The following B3GALT1 variants were observed in gnomAD, a reference collection of about 807,000 sequenced individuals.
B3GALT1 encodes UDP-Gal:betaGlcNAc beta 1,3-galactosyltransferase, polypeptide 1.
In B3GALT1, 10 loss-of-function variants were observed where a neutral mutation model predicts 23.2. The ratio of observed to expected loss-of-function variants is 0.43; its 90% CI spans 0.27 to 0.73. The LOEUF is 0.73. B3GALT1 is among the 30% of genes least tolerant of loss of function. The pLI is 0.21. For missense variants in B3GALT1, 299 were observed against 405.4 expected, an observed-to-expected ratio of 0.74 and a Z score of 2.25; for synonymous variants, 156 against 141.5, an observed-to-expected ratio of 1.10 and a Z score of -0.73.
chr2:167,605,327 T>C (rs941516980), intron 2 of B3GALT1, among the ~76,000 whole-genome samples: 1 of 152,224 alleles, frequency 6.6e-6, no homozygotes, highest in Non-Finnish European at 1.5e-5. Flanking sequence ...CTTCTGAGTA[T>C]GTGGATTATG....
chr2:167,797,907 C>T (rs13409891), intron 3 of B3GALT1, among the ~76,000 whole-genome samples: 14,071 of 151,968 alleles, frequency 0.093, 1,402 homozygotes, highest in East Asian at 0.3. Context: ...GGTTTCACCA[C>T]GTTAGCCAGG....
At chr2:167,627,567 T>C (rs555243388) in intron 2 of B3GALT1, among the ~76,000 whole-genome samples, 4 of 151,854 alleles carry the variant, frequency 2.6e-5, no homozygotes, top group Admixed American at 2.6e-4. Flanking sequence ...GTTTTTCCCT[T>C]TTCTACTTGA....
chr2:167,444,857 G>T (rs1007063523), intron 1 of B3GALT1, among the ~76,000 whole-genome samples: 1 of 151,946 alleles, frequency 6.6e-6, no homozygotes, highest in Non-Finnish European at 1.5e-5. Context: ...TTTTGTGTCT[G>T]TATCTCCTTC....
intron 1 of B3GALT1, among the ~76,000 whole-genome samples, chr2:167,306,969 C>T (rs1001127643): frequency 6.6e-6 from 1 of 151,894 alleles, no homozygotes; most frequent in Admixed American, 6.6e-5. Flanking sequence ...AGAAAAAAGG[C>T]AATTATGATC....
intron 2 of B3GALT1, among the ~76,000 whole-genome samples, chr2:167,532,448 A>G (rs536145911): frequency 1.5e-4 from 23 of 152,244 alleles, no homozygotes; most frequent in Middle Eastern, 3.4e-3. Flanking sequence ...CATTTTCTGT[A>G]TTTTTTGTTT....
At chr2:167,369,935 GT>G (rs1203828830) in intron 1 of B3GALT1, among the ~76,000 whole-genome samples, 34 of 152,240 alleles carry the variant, frequency 2.2e-4, no homozygotes, top group African/African-American at 8.2e-4. Context: ...AAAAAAAAAT[GT>G]TCCAGGTCAA....
intron 3 of B3GALT1, among the ~76,000 whole-genome samples, chr2:167,816,515 A>T (rs1688994511): frequency 6.6e-6 from 1 of 151,858 alleles, no homozygotes; most frequent in Non-Finnish European, 1.5e-5. Flanking sequence ...AATACCTAGG[A>T]TAGGGTCTGT....
At chr2:167,522,022 T>TA (rs1700197778) in intron 2 of B3GALT1, among the ~76,000 whole-genome samples, 22 of 121,844 alleles carry the variant, frequency 1.8e-4, no homozygotes, top group South Asian at 5.9e-4. Context: ...ATATATATAA[T>TA]TATATATATG....
At chr2:167,519,990 A>C (rs1432417100) in intron 2 of B3GALT1, among the ~76,000 whole-genome samples, 1 of 151,958 alleles carries the variant, frequency 6.6e-6, no homozygotes, top group East Asian at 1.9e-4. Context: ...GGTTGCAGTG[A>C]GCCAAGATTG....
At chr2:167,705,026 G>A (rs1686947028) in intron 3 of B3GALT1, among the ~76,000 whole-genome samples, 2 of 152,168 alleles carry the variant, frequency 1.3e-5, no homozygotes, top group African/African-American at 4.8e-5. Flanking sequence ...CCCTCCTAGT[G>A]GGAAAAGCGT....
At position 167,460,559 on chromosome 2, in the gene B3GALT1, G is replaced by A. The variant is rs140688547; in HGVS notation, c.-510-29618G>A. ...TAAACCTTTGGGCAACTTTAAGAGA[G>A]TTGTTTTAAAGTCTTTGTCTAATAG... On this transcript the variant is annotated intron_variant, in intron 1 of 4. Transcript: ENST00000392690. Among the ~76,000 whole-genome samples the A allele has an allele frequency of 8.7e-4, 132 of 151,800 alleles. 1 individual carries two copies. In the East Asian group the frequency reaches 0.022, roughly 25 times the overall value.
chr2:167,812,984 A>ACCCCC (rs1688920753), intron 3 of B3GALT1, among the ~76,000 whole-genome samples: 3 of 89,858 alleles, frequency 3.3e-5, no homozygotes, highest in African/African-American at 1.9e-4. Context: ...CACACGCACC[A>ACCCCC]CCACCACCCC....
At chr2:167,413,632 T>A (rs1323167085) in intron 1 of B3GALT1, among the ~76,000 whole-genome samples, 1 of 152,020 alleles carries the variant, frequency 6.6e-6, no homozygotes, top group African/African-American at 2.4e-5. Flanking sequence ...TCCCATTCTT[T>A]GCTTTAAATT....
rs533244812 is a variant in B3GALT1 at position 167,788,691 on chromosome 2, C to T, written c.-351-29981C>T. Among the ~76,000 whole-genome samples, 21 of 152,080 alleles carry T rather than the reference C, an allele frequency of 1.4e-4. 1 individual carries two copies. The highest frequency in any genetic ancestry group is 6.2e-4 in the South Asian group (3 of 4,804). The stretch of plus-strand genomic sequence containing the variant: ...CCTGCTGTGTGGCCAGGCCACAGAC[C>T]GGTACCAGTCTGTGGCCCAGGGGTT... On this transcript the variant is annotated intron_variant, in intron 3 of 4. Transcript: ENST00000392690.
intron 2 of B3GALT1, among the ~76,000 whole-genome samples, chr2:167,525,809 C>T (rs1353200084): frequency 2.7e-5 from 4 of 150,886 alleles, no homozygotes; most frequent in African/African-American, 9.8e-5. Flanking sequence ...AGACAGGGTC[C>T]GCCTATGTTG....
At chr2:167,726,536 T>C (rs10199851) in intron 3 of B3GALT1, among the ~76,000 whole-genome samples, 1 of 152,012 alleles carries the variant, frequency 6.6e-6, no homozygotes, top group Admixed American at 6.6e-5. Flanking sequence ...AATGTGACAA[T>C]CCTCCTATTT....
chr2:167,765,037 C>T (rs1331528283), intron 3 of B3GALT1, among the ~76,000 whole-genome samples: 1 of 152,124 alleles, frequency 6.6e-6, no homozygotes, highest in Non-Finnish European at 1.5e-5. Context: ...ATCAGAAAAC[C>T]GTTCACGCTG....
chr2:167,566,665 C>A (rs1334910220), intron 2 of B3GALT1, among the ~76,000 whole-genome samples: 3 of 151,904 alleles, frequency 2.0e-5, no homozygotes, highest in African/African-American at 7.3e-5. Flanking sequence ...TAGTTAATAC[C>A]AATGTTGTAA....
At chr2:167,639,053 A>G (rs1685608652) in intron 2 of B3GALT1, among the ~76,000 whole-genome samples, 1 of 152,090 alleles carries the variant, frequency 6.6e-6, no homozygotes, top group African/African-American at 2.4e-5. Flanking sequence ...CTTCTAATTA[A>G]GATGTAAGTT....
Sources: allele counts gnomAD v4.1 joint callset (sites outside exome capture counted in the v4.1 genomes callset), GRCh38; gene constraint gnomAD v4.1.1; transcripts MANE v1.5; gene names NCBI Gene and HGNC (gene_info 2026-07-23, HGNC 2026-07-21).